TBC1D22A: variants seen among roughly 807,000 people sequenced by gnomAD.
TBC1D22A encodes TBC1 domain family member 22A.
A neutral mutation model predicts 60.2 loss-of-function variants in TBC1D22A; 38 were observed. The observed-to-expected ratio is 0.63, with a 90% confidence interval of 0.49 to 0.83. The LOEUF is 0.83. TBC1D22A is among the 40% of genes least tolerant of loss of function. TBC1D22A has a pLI of 0.00. For missense variants in TBC1D22A, 628 were observed against 701.0 expected, an observed-to-expected ratio of 0.90 and a Z score of 1.18; for synonymous variants, 302 against 281.7, an observed-to-expected ratio of 1.07 and a Z score of -0.72.
At chr22:47,170,951 G>A (rs536580242) in intron 12 of TBC1D22A, among the ~76,000 whole-genome samples, 1 of 152,354 alleles carries the variant, frequency 6.6e-6, no homozygotes, top group South Asian at 2.1e-4. Flanking sequence ...AATGGAGAGC[G>A]CAGCTCCGGG....
At chr22:46,770,920 TTG>T (rs1310667725) in intron 1 of TBC1D22A, among the ~76,000 whole-genome samples, 2 of 152,158 alleles carry the variant, frequency 1.3e-5, no homozygotes, top group Non-Finnish European at 2.9e-5. Flanking sequence ...CTCTTCTTGT[TTG>T]TGAGTGGAGA....
intron 11 of TBC1D22A, among the ~76,000 whole-genome samples, chr22:47,083,061 C>T (rs2147573666): frequency 6.6e-6 from 1 of 151,596 alleles, no homozygotes; most frequent in Admixed American, 6.5e-5. Flanking sequence ...GAGAAAACTG[C>T]AAGAGAAAAC....
At chr22:47,165,215 G>A (rs370682944) in intron 12 of TBC1D22A, among the ~76,000 whole-genome samples, 2 of 152,120 alleles carry the variant, frequency 1.3e-5, no homozygotes, top group Admixed American at 6.5e-5. Flanking sequence ...TGTGTCAGGG[G>A]TAGGGGAGTG....
In TBC1D22A at chr22:47,050,880, TGGGTGGCA is replaced by T. The variant is rs1243650728; in HGVS notation, c.1329+13684_1329+13691del. 3.6e-4 allele frequency among the ~76,000 whole-genome samples: 54 copies of T among 152,048 alleles called. 1 individual carries two copies. Among genetic ancestry groups the T allele is most frequent in the Admixed American group, 3.5e-3 (54 of 15,268 alleles). On this transcript the variant is annotated intron_variant, in intron 11 of 12. Coordinates refer to ENST00000337137, the MANE Select transcript of TBC1D22A (RefSeq NM_014346.5). ...GGTGGACTGGGTTCCCCTCTGACCC[TGGGTGGCA>T]GCTTCTGCTCACAGTGTCTCTGGAT...
intron 3 of TBC1D22A, among the ~76,000 whole-genome samples, chr22:46,795,277 C>T (rs1181188942): frequency 6.6e-6 from 1 of 152,210 alleles, no homozygotes; most frequent in Non-Finnish European, 1.5e-5. Context: ...TTCATCTGCT[C>T]ATGGGTGGTG....
chr22:47,121,474 T>C (rs2066269316), intron 12 of TBC1D22A, among the ~76,000 whole-genome samples: 1 of 152,220 alleles, frequency 6.6e-6, no homozygotes. Context: ...CTACCAAAAA[T>C]TACATCTTCA....
chr22:46,825,085 G>A lies in TBC1D22A; in HGVS notation c.637+27465G>A, dbSNP rs73891010. On this transcript the variant is annotated intron_variant, in intron 4 of 12. Transcript: ENST00000337137. ...AATACATTTTTAATTCTGCAAAGAAGGGTGGTGCCTGTGTTTTCCCTTAAC... is the reference window on the plus strand; with the variant it reads ...AATACATTTTTAATTCTGCAAAGAAAGGTGGTGCCTGTGTTTTCCCTTAAC... 1.6e-3 allele frequency among the ~76,000 whole-genome samples: 241 copies of A among 152,290 alleles called. 1 individual carries two copies. Among genetic ancestry groups the A allele is most frequent in the African/African-American group, 5.6e-3 (232 of 41,544 alleles).
intron 1 of TBC1D22A, among the ~76,000 whole-genome samples, chr22:46,771,029 T>C (rs975283524): frequency 6.6e-6 from 1 of 152,188 alleles, no homozygotes; most frequent in Non-Finnish European, 1.5e-5. Context: ...TTACTTTCCA[T>C]GTTATTAAAT....
At chr22:47,049,151 G>T (rs757413833) in intron 11 of TBC1D22A, among the ~76,000 whole-genome samples, 1 of 152,210 alleles carries the variant, frequency 6.6e-6, no homozygotes, top group Non-Finnish European at 1.5e-5. Context: ...CCGGGTACAC[G>T]TTGTGCTCTT....
At chr22:46,918,041 G>T (rs145747188) in intron 8 of TBC1D22A, among the ~76,000 whole-genome samples, 11 of 151,816 alleles carry the variant, frequency 7.2e-5, no homozygotes, top group Non-Finnish European at 1.3e-4. Flanking sequence ...AGTGATCTCT[G>T]CAGTGGACAC....
rs1406886620 is a variant in TBC1D22A at position 46,777,210 on chromosome 22, G to A, written c.62+14362G>A. Among the ~76,000 whole-genome samples the A allele has an allele frequency of 6.6e-6, 1 of 151,770 alleles. No individual in the cohort carries two copies. On this transcript the variant is annotated intron_variant, in intron 1 of 12. Coordinates refer to ENST00000337137, the MANE Select transcript of TBC1D22A (RefSeq NM_014346.5). This position sits in a 1 kb window ranked among gnomAD's most constrained non-coding sequence, Gnocchi z 4.5. The stretch of plus-strand genomic sequence containing the variant: ...CATGGTCAGAATGAGAGAAAATGGA[G>A]CCCCGATTTAAGTTAGTGGGACAGA...
At chr22:46,927,874 G>A (rs2071137115) in intron 8 of TBC1D22A, among the ~76,000 whole-genome samples, 1 of 152,148 alleles carries the variant, frequency 6.6e-6, no homozygotes, top group Non-Finnish European at 1.5e-5. Context: ...CAAGAGAGGT[G>A]CAACATTCGC....
intron 10 of TBC1D22A, among the ~76,000 whole-genome samples, chr22:47,032,147 G>A (rs1451239517): frequency 1.3e-5 from 2 of 152,192 alleles, no homozygotes; most frequent in Admixed American, 6.5e-5. Flanking sequence ...CAGACTGGCC[G>A]GTGAGCCACG....
chr22:47,141,023 A>C (rs1272769258), intron 12 of TBC1D22A, among the ~76,000 whole-genome samples: 5 of 152,222 alleles, frequency 3.3e-5, no homozygotes. Flanking sequence ...TTTATAAAGA[A>C]AAAGAGGTTT....
At chr22:47,129,886 T>G (rs2066622669) in intron 12 of TBC1D22A, among the ~76,000 whole-genome samples, 1 of 152,258 alleles carries the variant, frequency 6.6e-6, no homozygotes, top group African/African-American at 2.4e-5. Context: ...TTCCTCTCTC[T>G]CTGTCTCTCT....
intron 4 of TBC1D22A, among the ~76,000 whole-genome samples, chr22:46,846,756 C>G (rs6007973): frequency 0.29 from 44,269 of 151,534 alleles, 6,496 homozygotes; most frequent in East Asian, 0.32. Flanking sequence ...CTCATCTTCA[C>G]CCGGATTCGG....
chr22:47,059,866 A>G (rs976181486), intron 11 of TBC1D22A, among the ~76,000 whole-genome samples: 6 of 152,204 alleles, frequency 3.9e-5, no homozygotes, highest in African/African-American at 1.2e-4. Context: ...AAAAGTGCAC[A>G]GTTTCAGTTA....
intron 9 of TBC1D22A, among the ~76,000 whole-genome samples, chr22:46,977,828 G>A (rs1179873381): frequency 1.3e-5 from 2 of 152,172 alleles, no homozygotes; most frequent in South Asian, 2.1e-4. Context: ...TCATGACCCA[G>A]CGACGCAGCG....
At chr22:46,844,406 T>G (rs888086722) in intron 4 of TBC1D22A, among the ~76,000 whole-genome samples, 17 of 152,194 alleles carry the variant, frequency 1.1e-4, no homozygotes, top group African/African-American at 3.9e-4. Flanking sequence ...TCCCTCTGAT[T>G]GTACCCCCTG....
Sources: allele counts gnomAD v4.1 joint callset (sites outside exome capture counted in the v4.1 genomes callset), GRCh38; gene constraint gnomAD v4.1.1; non-coding constraint Gnocchi (gnomAD v3.1); transcripts MANE v1.5; gene names NCBI Gene and HGNC (gene_info 2026-07-23, HGNC 2026-07-21).